Variants in PFKFB3 observed in about 807,000 individuals in gnomAD.
PFKFB3 encodes the protein 6-phosphofructo-2-kinase/fructose-2,6-bisphosphatase 3.
A neutral mutation model predicts 68.0 loss-of-function variants in PFKFB3; 33 were observed. The observed-to-expected ratio is 0.49, with a 90% CI of 0.37 to 0.65. PFKFB3 has a LOEUF of 0.65. Ranked by LOEUF, PFKFB3 falls within the 30% of genes least tolerant of loss-of-function variation. PFKFB3 has a pLI of 0.00. For synonymous variants in PFKFB3, 315 were observed against 288.2 expected (o/e 1.09, Z -0.94); for missense variants, 586 against 712.2 (o/e 0.82, Z 2.02).
At chr10:6,172,054 G>C (rs576929121) in intron 1 of PFKFB3, among the ~76,000 whole-genome samples, 1 of 152,182 alleles carries the variant, frequency 6.6e-6, no homozygotes, top group Non-Finnish European at 1.5e-5. Context: ...AGGGAAACCC[G>C]AAAACCACCG....
chr10:6,244,606 G>C (rs1846213838), intron 14 of PFKFB3, among the ~76,000 whole-genome samples: 1 of 151,974 alleles, frequency 6.6e-6, no homozygotes, highest in Admixed American at 6.6e-5. Flanking sequence ...TCTCTTACAC[G>C]GTAATAAATT....
intron 14 of PFKFB3, among the ~76,000 whole-genome samples, chr10:6,246,349 A>C (rs1473112112): frequency 7.1e-6 from 1 of 141,500 alleles, no homozygotes. Context: ...ATTATTATTA[A>C]TTTTTTTGAG....
intron 1 of PFKFB3, among the ~76,000 whole-genome samples, chr10:6,195,801 G>A (rs1843160588): frequency 6.6e-6 from 1 of 152,250 alleles, no homozygotes; most frequent in African/African-American, 2.4e-5. Context: ...CTCTGGCAGA[G>A]CCAAGGTGGT....
intron 1 of PFKFB3, among the ~76,000 whole-genome samples, chr10:6,205,260 GT>G (rs1430191750): frequency 6.6e-6 from 1 of 152,048 alleles, no homozygotes; most frequent in Non-Finnish European, 1.5e-5. Context: ...GTCTTTCTCA[GT>G]TTATATAGTC....
chr10:6,226,929 T>TA (rs1312972735), intron 14 of PFKFB3, among the ~76,000 whole-genome samples: 1 of 152,012 alleles, frequency 6.6e-6, no homozygotes, highest in African/African-American at 2.4e-5. Context: ...TTACTAAAAA[T>TA]ACAGAAATTA....
At chr10:6,309,326 G>A in the PFKFB3 span, among the ~76,000 whole-genome samples, 1 of 152,134 alleles carries the variant, frequency 6.6e-6, no homozygotes, top group African/African-American at 2.4e-5. Flanking sequence ...CACTTTGGGA[G>A]GCCGAAGTGT....
intron 1 of PFKFB3, among the ~76,000 whole-genome samples, chr10:6,166,821 C>CTTTTTTTTTTTTTT (rs144747290): frequency 2.1e-5 from 2 of 95,274 alleles, no homozygotes; most frequent in Non-Finnish European, 4.3e-5. Flanking sequence ...CCTTCTTCTT[C>CTTTTTTTTTTTTTT]TTTTTTTTTT....
At position 6,243,796 on chromosome 10, in the gene PFKFB3, T is replaced by C. The variant is rs530364355; in HGVS notation, c.1516-10382T>C. 3.4e-4 allele frequency among the ~76,000 whole-genome samples: 52 copies of C among 152,336 alleles called. 1 individual carries two copies. The highest frequency in any genetic ancestry group is 2.6e-3 in the Admixed American group (39 of 15,292). ...TGAAGTGCAGTGGCACGATTATAGC[T>C]CATTGCAACCTTCAACTCCTGGGTT... On this transcript the variant is annotated intron_variant, in intron 14 of 14. Transcript: ENST00000640683.
chr10:6,266,649 A>T, the PFKFB3 span, among the ~76,000 whole-genome samples: 3 of 152,252 alleles, frequency 2.0e-5, no homozygotes, highest in African/African-American at 7.2e-5. Context: ...TATTGGAAAT[A>T]TACATTCATA....
At chr10:6,271,281 C>G in the PFKFB3 span, among the ~76,000 whole-genome samples, 1 of 152,228 alleles carries the variant, frequency 6.6e-6, no homozygotes, top group African/African-American at 2.4e-5. Flanking sequence ...AGGACGAGAA[C>G]CGAAGAGCGT....
At chr10:6,175,032 T>A (rs1271020804) in intron 1 of PFKFB3, among the ~76,000 whole-genome samples, 1 of 152,098 alleles carries the variant, frequency 6.6e-6, no homozygotes, top group Non-Finnish European at 1.5e-5. Flanking sequence ...GCCAGGCTGG[T>A]CTTGAATTCC....
the PFKFB3 span, among the ~76,000 whole-genome samples, chr10:6,299,376 G>A: frequency 6.6e-6 from 1 of 152,284 alleles, no homozygotes; most frequent in Admixed American, 6.5e-5. Context: ...TGACCCAGGA[G>A]GGTGGCATCC....
chr10:6,269,951 T>G, the PFKFB3 span, among the ~76,000 whole-genome samples: 3 of 152,040 alleles, frequency 2.0e-5, no homozygotes, highest in Admixed American at 6.6e-5. Context: ...GCCAACATGG[T>G]GAGACCCCCC....
intron 12 of PFKFB3, 52 bp downstream of exon 12, chr10:6,224,072 C>T (rs758954799): frequency 6.2e-7 from 1 of 1,607,350 alleles, no homozygotes; most frequent in South Asian, 1.1e-5. Flanking sequence ...GCCACAGTAG[C>T]TTCTTGTGGC....
intron 14 of PFKFB3, among the ~76,000 whole-genome samples, chr10:6,252,133 G>A (rs144847811): frequency 1.3e-5 from 2 of 152,162 alleles, no homozygotes; most frequent in African/African-American, 4.8e-5. Context: ...CTACGGAGTG[G>A]CTAATACAGA....
In PFKFB3 at chr10:6,220,885, A is replaced by C; in HGVS notation, c.831+20A>C. 6.2e-7 allele frequency: 1 copy of C among 1,603,370 alleles called. No homozygotes were observed. The highest frequency in any genetic ancestry group is 1.1e-5 in the South Asian group (1 of 90,964). ...AAGAAGGTGCGGGGTGTGCTGCCGC[A>C]TGGGCCGTTCTGGCTGTAGGGCGGT... On this transcript the variant is annotated intron_variant, in intron 8 of 14. Transcript: ENST00000379775. The surrounding 1 kb of genome is among the most constrained non-coding windows in gnomAD (Gnocchi z 4.1).
At chr10:6,293,979 G>T in the PFKFB3 span, 8 of 519,608 alleles carry the variant, frequency 1.5e-5, no homozygotes, top group Non-Finnish European at 3.1e-5. Flanking sequence ...TGATCCAATG[G>T]CTTCATGAAT....
chr10:6,295,494 G>C, the PFKFB3 span, among the ~76,000 whole-genome samples: 2 of 151,566 alleles, frequency 1.3e-5, no homozygotes, highest in Non-Finnish European at 2.9e-5. Context: ...CCAAAGTGCT[G>C]GGATTACAGC....
downstream of PFKFB3, among the ~76,000 whole-genome samples, chr10:6,238,618 A>C (rs1201592702): frequency 2.0e-5 from 3 of 151,064 alleles, no homozygotes; most frequent in Non-Finnish European, 2.9e-5. Context: ...CTTGTTAAAT[A>C]GGTAAACTTG....
Sources: allele counts gnomAD v4.1 joint callset (sites outside exome capture counted in the v4.1 genomes callset), GRCh38; gene constraint gnomAD v4.1.1; non-coding constraint Gnocchi (gnomAD v3.1); transcripts MANE v1.5; gene names NCBI Gene and HGNC (gene_info 2026-07-23, HGNC 2026-07-21).